CREB3L1: variants seen among roughly 807,000 people sequenced by gnomAD.
CREB3L1 encodes the protein cyclic AMP-responsive element-binding protein 3-like protein 1.
In CREB3L1, 33 loss-of-function variants were observed where a neutral mutation model predicts 54.5. That is an observed-to-expected ratio of 0.61 (90% CI 0.46 to 0.81). The LOEUF is 0.81. Among genes scored for constraint, CREB3L1 ranks in the 30% least tolerant of loss-of-function variants. CREB3L1 has a pLI of 0.00. For synonymous variants in CREB3L1, 284 were observed against 286.4 expected (o/e 0.99, Z 0.08); for missense variants, 656 against 673.3 (o/e 0.97, Z 0.29).
At position 46,298,057 on chromosome 11, in the gene CREB3L1, AC is replaced by A. The variant is rs536530969; in HGVS notation, c.103-1877del. Among the ~76,000 whole-genome samples, 8 of 152,332 alleles carry A rather than the reference AC, an allele frequency of 5.3e-5. No homozygotes were observed. In the South Asian group the frequency reaches 1.7e-3, roughly 32 times the overall value. ...CCCTTACGGATAAGGAAACTGAGGC[AC>A]GGGGAAGTTAAGCAACTTAGCAAGT... On this transcript the variant is annotated intron_variant, in intron 1 of 11. Transcript: ENST00000621158.
chr11:46,320,190 C>G, intron 10 of CREB3L1, 74 bp from the exon 11 acceptor site: 1 of 1,474,642 alleles, frequency 6.8e-7, no homozygotes. Context: ...GCGTCCTTAA[C>G]CACTAGGCCA....
rs1938927141 is a variant in CREB3L1, at chr11:46,279,000, T to C, written c.102+787T>C. 4.6e-5 allele frequency among the ~76,000 whole-genome samples: 7 copies of C among 152,088 alleles called. No individual in the cohort carries two copies. Among genetic ancestry groups the C allele is most frequent in the Admixed American group, 4.6e-4 (7 of 15,264 alleles). On this transcript the variant is annotated intron_variant, in intron 1 of 11. Coordinates refer to ENST00000621158, the MANE Select transcript of CREB3L1 (RefSeq NM_052854.4). The surrounding 1 kb of genome is among the most constrained non-coding windows in gnomAD (Gnocchi z 4.2). ...TTCTCTCTCTTCTTCCCTCCCTCCC[T>C]CTCTCAGGCTCAGCCCTAAGGCCTT...
At chr11:46,302,125 G>C (rs971587131) in intron 2 of CREB3L1, among the ~76,000 whole-genome samples, 1 of 150,306 alleles carries the variant, frequency 6.7e-6, no homozygotes, top group African/African-American at 2.4e-5. Flanking sequence ...CTGAGATTGC[G>C]TCACTGCATT....
intron 8 of CREB3L1, chr11:46,316,010 T>TG: frequency 2.6e-6 from 1 of 386,150 alleles, no homozygotes; most frequent in East Asian, 4.5e-5. Flanking sequence ...TCTGTGCAGC[T>TG]GGGGGCAGGC....
At chr11:46,279,295 T>C (rs1566177362) in intron 1 of CREB3L1, among the ~76,000 whole-genome samples, 1 of 152,222 alleles carries the variant, frequency 6.6e-6, no homozygotes, top group East Asian at 1.9e-4. Context: ...TTGAGCATCT[T>C]GGACTTCCAC....
chr11:46,320,602 T>C, intron 11 of CREB3L1, 74 bp downstream of exon 11: 5 of 1,547,978 alleles, frequency 3.2e-6, no homozygotes, highest in Non-Finnish European at 4.4e-6. Flanking sequence ...GGTCCCCACA[T>C]TGGCCACACC....
intron 1 of CREB3L1, among the ~76,000 whole-genome samples, chr11:46,280,274 G>A (rs1461990526): frequency 6.7e-6 from 1 of 148,652 alleles, no homozygotes; most frequent in African/African-American, 2.5e-5. Context: ...TGCAAGCTCC[G>A]CCTCCCGGGT....
intron 2 of CREB3L1, among the ~76,000 whole-genome samples, chr11:46,304,513 G>A (rs899413473): frequency 1.3e-5 from 2 of 152,092 alleles, no homozygotes; most frequent in African/African-American, 4.8e-5. Context: ...CAAGGGCTTA[G>A]AGCTGTGCTC....
rs558083519 is a variant in CREB3L1, at chr11:46,308,559, C to A, written c.516+559C>A. On this transcript the variant is annotated intron_variant, in intron 3 of 11. Transcript: ENST00000621158. ...CAGACCCCTGGCTCCTAGCCGAGGT[C>A]CTGCCTGAGTCCCAACTCGGTGCCT... is the stretch of plus-strand genomic sequence containing the variant. 2.0e-5 allele frequency among the ~76,000 whole-genome samples: 3 copies of A among 152,370 alleles called. No individual in the cohort carries two copies. The East Asian group carries it at 5.8e-4, about 29-fold the overall frequency.
Position 46,321,149 on chromosome 11 carries a change from C to T in CREB3L1, c.*403C>T, listed in dbSNP as rs931624529. On this transcript the variant is annotated 3_prime_UTR_variant, in exon 12 of 12. Coordinates refer to ENST00000621158, the MANE Select transcript of CREB3L1 (RefSeq NM_052854.4). ...CAGAAATTGTTTGTAAATAATGAAC[C>T]TTATTTTTTATTATTGCCAATCCCC... is the stretch of plus-strand genomic sequence containing the variant. 1 of 404,518 alleles carries T rather than the reference C, an allele frequency of 2.5e-6. No individual in the cohort carries two copies. The highest frequency in any genetic ancestry group is 2.0e-5 in the African/African-American group (1 of 51,016). 25.1% of individuals were successfully genotyped at this position (404,518 alleles called of 1,614,324 possible).
chr11:46,306,726 A>G (rs1163033979), intron 2 of CREB3L1, among the ~76,000 whole-genome samples: 2 of 152,002 alleles, frequency 1.3e-5, no homozygotes, highest in African/African-American at 4.8e-5. Flanking sequence ...ATGTTTACTA[A>G]ATAACAGTAG....
intron 1 of CREB3L1, among the ~76,000 whole-genome samples, chr11:46,288,372 G>A (rs918309489): frequency 3.9e-5 from 6 of 152,286 alleles, no homozygotes; most frequent in Middle Eastern, 3.4e-3. Context: ...GTGAGCCACC[G>A]CACACGGCCC....
At chr11:46,290,758 G>A (rs556299148) in intron 1 of CREB3L1, among the ~76,000 whole-genome samples, 5 of 151,540 alleles carry the variant, frequency 3.3e-5, no homozygotes, top group Non-Finnish European at 5.9e-5. Context: ...GTGGGCGGAG[G>A]CAGAGCTTGA....
intron 4 of CREB3L1, 36 bp from the exon 5 acceptor site, chr11:46,310,996 C>T: frequency 6.5e-7 from 1 of 1,532,332 alleles, no homozygotes; most frequent in Non-Finnish European, 8.8e-7. Context: ...AGCTGATGTG[C>T]AACGTTGCTA....
In CREB3L1 at chr11:46,321,179, A is replaced by T; in HGVS notation, c.*433A>T. ...TTTTTATTATTGCCAATCCCCTAAGATATTGTATTTTACAAATCTCCCTCT... is the reference window on the plus strand; with the variant it reads ...TTTTTATTATTGCCAATCCCCTAAGTTATTGTATTTTACAAATCTCCCTCT... On this transcript the variant is annotated 3_prime_UTR_variant, in exon 12 of 12. Transcript: ENST00000621158. The T allele has an allele frequency of 2.8e-6, 1 of 353,410 alleles. No homozygotes were observed. 21.9% of individuals were successfully genotyped at this position (353,410 alleles called of 1,614,324 possible).
At position 46,295,650 on chromosome 11, in the gene CREB3L1, T is replaced by G. The variant is rs992446985; in HGVS notation, c.103-4285T>G. Among the ~76,000 whole-genome samples, 1 of 152,220 alleles carries G rather than the reference T, an allele frequency of 6.6e-6. No individual in the cohort carries two copies. The highest frequency in any genetic ancestry group is 1.5e-5 in the Non-Finnish European group (1 of 68,024). On this transcript the variant is annotated intron_variant, in intron 1 of 11. Coordinates refer to ENST00000621158, the MANE Select transcript of CREB3L1 (RefSeq NM_052854.4). The surrounding 1 kb of genome is among the most constrained non-coding windows in gnomAD (Gnocchi z 4.6). ...TGCCCTCCACGCCGCCACCGGCTGC[T>G]GCTCGCAGCCTCCCGCCATTGGCCA...
At chr11:46,283,031 T>TA (rs34538983) in intron 1 of CREB3L1, among the ~76,000 whole-genome samples, 2,993 of 146,982 alleles carry the variant, frequency 0.02, 155 homozygotes, top group Admixed American at 0.11. Flanking sequence ...CTACAAAAAA[T>TA]AAAAAAAAAA....
At position 46,312,455 on chromosome 11, in the gene CREB3L1, G is replaced by A. The variant is rs749140671; in HGVS notation, c.884G>A (p.Arg295Gln). Residue 295 changes from arginine to glutamine, a missense_variant, in exon 6 of 12, where the codon CGG becomes CAG. Physicochemically the swap from Arg to Gln is conservative, Grantham distance 43 (BLOSUM62 1). Coordinates refer to ENST00000621158, the MANE Select transcript of CREB3L1 (RefSeq NM_052854.4). ...GAGGAGAAGGCCTTGAAGAGAGTCC[G>A]GAGGAAAATCAAGAACAAGGTAAAG... Reference protein sequence around the residue: ...KAEEKALKRVRRKIKNKISAQ... With the variant: ...KAEEKALKRVQRKIKNKISAQ... 1.8e-5 allele frequency: 29 copies of A among 1,613,466 alleles called. No individual in the cohort carries two copies. Among genetic ancestry groups the A allele is most frequent in the East Asian group, 1.1e-4 (5 of 44,894 alleles).
intron 1 of CREB3L1, among the ~76,000 whole-genome samples, chr11:46,283,621 TG>T (rs1322006000): frequency 6.6e-6 from 1 of 152,168 alleles, no homozygotes; most frequent in African/African-American, 2.4e-5. Flanking sequence ...GGCTCACACC[TG>T]TAATTCCAGT....
Sources: gnomAD v4.1 joint callset for allele counts (sites outside exome capture counted in the v4.1 genomes callset) on GRCh38, gnomAD v4.1.1 for gene constraint, Gnocchi (gnomAD v3.1) non-coding constraint, MANE v1.5 for transcripts, NCBI Gene and HGNC (gene_info 2026-07-23, HGNC 2026-07-21) for gene names.